The following BRAF variants were observed in gnomAD, a reference collection of about 807,000 sequenced individuals.
BRAF encodes the protein B-Raf proto-oncogene, serine/threonine kinase, also known as serine/threonine-protein kinase B-raf.
In BRAF, 16 loss-of-function variants were observed where a neutral mutation model predicts 104.6. The observed-to-expected ratio is 0.15, with a 90% CI of 0.10 to 0.23. The LOEUF is 0.23. BRAF is among the 10% of genes least tolerant of loss of function. BRAF has a pLI of 1.00. For missense variants in BRAF, 541 were observed against 937.3 expected, an observed-to-expected ratio of 0.58 and a Z score of 5.52; for synonymous variants, 310 against 341.6, an observed-to-expected ratio of 0.91 and a Z score of 1.02.
chr7:140,772,581 G>A (rs918393294), intron 14 of BRAF, among the ~76,000 whole-genome samples: 3 of 151,804 alleles, frequency 2.0e-5, no homozygotes, highest in Admixed American at 6.6e-5. Flanking sequence ...GTGTCGCTGC[G>A]CTCCAGCCTG....
chr7:140,764,030 T>C (rs1257218991), intron 14 of BRAF, among the ~76,000 whole-genome samples: 1 of 152,196 alleles, frequency 6.6e-6, no homozygotes, highest in African/African-American at 2.4e-5. Context: ...TTGATGAACA[T>C]TGATGCAAAA....
intron 1 of BRAF, among the ~76,000 whole-genome samples, chr7:140,922,730 C>T (rs1408996817): frequency 6.6e-6 from 1 of 152,070 alleles, no homozygotes; most frequent in Non-Finnish European, 1.5e-5. Flanking sequence ...TAGTATTTAT[C>T]CATTAAAAAC....
At chr7:140,751,946 G>A (rs1797824251) in intron 16 of BRAF, among the ~76,000 whole-genome samples, 1 of 152,134 alleles carries the variant, frequency 6.6e-6, no homozygotes, top group African/African-American at 2.4e-5. Flanking sequence ...ATTCAGCTTA[G>A]AGCTGTGTTT....
intron 1 of BRAF, among the ~76,000 whole-genome samples, chr7:140,857,639 A>T (rs1373927113): frequency 6.6e-6 from 1 of 152,186 alleles, no homozygotes; most frequent in Non-Finnish European, 1.5e-5. Context: ...AAGTAACAAC[A>T]ACACAATGAC....
the BRAF span, among the ~76,000 whole-genome samples, chr7:140,713,572 C>T: frequency 5.9e-5 from 9 of 152,234 alleles, no homozygotes; most frequent in African/African-American, 1.2e-4. Context: ...TCCTGTAGCT[C>T]GGAGTAGTTT....
chr7:140,741,731 G>A (rs1796936904), intron 17 of BRAF: 1 of 152,080 alleles, frequency 6.6e-6, no homozygotes, highest in African/African-American at 2.4e-5. Context: ...GGCTGAGGAG[G>A]GTGGATCATG....
chr7:140,810,136 A>G (rs1161243334), intron 3 of BRAF, among the ~76,000 whole-genome samples: 1 of 152,198 alleles, frequency 6.6e-6, no homozygotes, highest in East Asian at 1.9e-4. Flanking sequence ...TTTATGCTAG[A>G]GGGGAAAAAA....
intron 1 of BRAF, among the ~76,000 whole-genome samples, chr7:140,879,282 A>G (rs999090018): frequency 1.3e-5 from 2 of 151,824 alleles, no homozygotes; most frequent in Non-Finnish European, 2.9e-5. Context: ...CCCGGGTTCA[A>G]AAGAGTCTCC....
intron 1 of BRAF, among the ~76,000 whole-genome samples, chr7:140,909,910 T>C (rs919439541): frequency 1.6e-4 from 25 of 152,200 alleles, no homozygotes; most frequent in African/African-American, 6.0e-4. Flanking sequence ...ATCACTTTTT[T>C]TTTTTAACCT....
chr7:140,800,267 C>T lies in BRAF; in HGVS notation c.980+95G>A, dbSNP rs548117717. 37 of 1,581,204 alleles carry T rather than the reference C, an allele frequency of 2.3e-5. No homozygotes were observed. The East Asian group carries it at 8.1e-4, about 35-fold the overall frequency. On this transcript the variant is annotated intron_variant, in intron 7 of 19. Coordinates refer to ENST00000644969, the MANE Select transcript of BRAF (RefSeq NM_001374258.1). ...TTTGGGGAAAAAGTCCTTAATTTAA[C>T]AATTTAAACATTGGAAAGGTTTCTA...
chr7:140,808,248 G>GT (rs1447437113), intron 4 of BRAF, 186 bp from the exon 5 acceptor site: 7 of 570,274 alleles, frequency 1.2e-5, no homozygotes, highest in Non-Finnish European at 2.3e-5. Context: ...CCAAATAAAT[G>GT]TATCACTCTT....
At chr7:140,900,164 T>C (rs906866920) in intron 1 of BRAF, among the ~76,000 whole-genome samples, 6 of 152,234 alleles carry the variant, frequency 3.9e-5, no homozygotes, top group Non-Finnish European at 7.3e-5. Flanking sequence ...TACACAACAA[T>C]AGATAACTAA....
At position 140,834,738 on chromosome 7, in the gene BRAF, A is replaced by T; in HGVS notation, c.375T>A (p.Ser125=). ...ASMDTVTSSS[S]SSLSVLPSSL... is the part of the protein sequence containing the mutation. ...ATGAAGGTAGCACTGAAAGGCTAGA[A>T]GAGGAAGAAGATGTAACGGTATCCA... Residue 125 remains serine (S), a synonymous_variant, in exon 3 of 20, where the codon TCT becomes TCA. Coordinates refer to ENST00000644969, the MANE Select transcript of BRAF (RefSeq NM_001374258.1). 2 of 1,614,216 alleles carry T rather than the reference A, an allele frequency of 1.2e-6. No homozygotes were observed. The highest frequency in any genetic ancestry group is 1.1e-5 in the South Asian group (1 of 91,088).
In BRAF at chr7:140,783,167, T is replaced by C. The variant is rs527835644; in HGVS notation, c.1298-10A>G. ...AAACCTGTGGTTGATCCTAAATTAG[T>C]GAAAAGAAAAATGTATACATTAAGG... On this transcript the variant is annotated splice_polypyrimidine_tract_variant and intron_variant, in intron 10 of 19. Transcript: ENST00000644969. The C allele has an allele frequency of 7.4e-6, 12 of 1,613,546 alleles. No homozygotes were observed. The South Asian group carries it at 8.8e-5, about 12-fold the overall frequency.
chr7:140,798,272 C>CT (rs10525418), intron 7 of BRAF, among the ~76,000 whole-genome samples: 3 of 115,624 alleles, frequency 2.6e-5, no homozygotes, highest in Admixed American at 1.1e-4. Flanking sequence ...CTTTTTTTTT[C>CT]TTTTTTTTGA....
In BRAF at chr7:140,877,439, C is replaced by G. The variant is rs190071045; in HGVS notation, c.139-27227G>C. Among the ~76,000 whole-genome samples, 4 of 151,572 alleles carry G rather than the reference C, an allele frequency of 2.6e-5. No individual in the cohort carries two copies. In the East Asian group the frequency reaches 7.7e-4, roughly 29 times the overall value. The stretch of plus-strand genomic sequence containing the variant: ...TCTTAAACTGATACTATTATATCAG[C>G]AAAGAAAAACAGTTGCAAATCTATC... On this transcript the variant is annotated intron_variant, in intron 1 of 19. Transcript: ENST00000644969.
chr7:140,743,464 A>G (rs1004616487), intron 17 of BRAF, among the ~76,000 whole-genome samples: 2 of 152,178 alleles, frequency 1.3e-5, no homozygotes, highest in East Asian at 1.9e-4. Flanking sequence ...TTGGTAAACT[A>G]TCTCAAGAAC....
At chr7:140,814,507 A>G (rs1173353963) in intron 3 of BRAF, among the ~76,000 whole-genome samples, 1 of 151,678 alleles carries the variant, frequency 6.6e-6, no homozygotes, top group Non-Finnish European at 1.5e-5. Flanking sequence ...TCTATTAAAA[A>G]CACAAAAATT....
intron 18 of BRAF, among the ~76,000 whole-genome samples, chr7:140,737,204 A>C (rs561989841): frequency 3.6e-4 from 55 of 152,322 alleles, no homozygotes; most frequent in Non-Finnish European, 6.3e-4. Context: ...AATACTTATG[A>C]AATAGGTTAC....
Sources: gnomAD v4.1 joint callset for allele counts (sites outside exome capture counted in the v4.1 genomes callset) on GRCh38, gnomAD v4.1.1 for gene constraint, MANE v1.5 for transcripts, NCBI Gene and HGNC (gene_info 2026-07-23, HGNC 2026-07-21) for gene names.